The following ZNF292 variants were observed in gnomAD, a reference collection of about 807,000 sequenced individuals.
The protein encoded by ZNF292 is 16 zinc-finger domain protein.
A neutral mutation model predicts 217.9 loss-of-function variants in ZNF292; 26 were observed. The ratio of observed to expected loss-of-function variants is 0.12; its 90% CI spans 0.09 to 0.17. The LOEUF is 0.17. ZNF292 is among the 10% of genes least tolerant of loss of function. The probability of loss-of-function intolerance (pLI) is 1.00; values close to 1 mark genes in which losing one functional copy is unlikely to be tolerated. For synonymous variants in ZNF292, 1,257 were observed against 1,124.1 expected (o/e 1.12, Z -2.37); for missense variants, 2,904 against 3,175.2 (o/e 0.91, Z 2.05).
rs1397478133 is a variant in ZNF292, at chr6:87,260,562, A to G, written c.6933A>G (p.Ser2311=). The change falls in exon 8 of 8, where the codon TCA becomes TCG. Residue 2311 remains serine (S), a synonymous_variant. Coordinates refer to ENST00000369577, the MANE Select transcript of ZNF292 (RefSeq NM_015021.3). ...NMSSKANQEK[S]KSKHRGTKHS... ...CAAGCAAGGCAAACCAAGAAAAATCAAAGTCTAAACATCGGGGGACCAAGC... is the reference window on the plus strand; with the variant it reads ...CAAGCAAGGCAAACCAAGAAAAATCGAAGTCTAAACATCGGGGGACCAAGC... 1 of 1,613,288 alleles carries G rather than the reference A, an allele frequency of 6.2e-7. No homozygotes were observed. The highest frequency in any genetic ancestry group is 8.5e-7 in the Non-Finnish European group (1 of 1,179,666).
Position 87,255,015 on chromosome 6 carries a change from A to G in ZNF292, c.1386A>G (p.Glu462=). 6.2e-7 allele frequency: 1 copy of G among 1,613,868 alleles called. No homozygotes were observed. The highest frequency in any genetic ancestry group is 1.1e-5 in the South Asian group (1 of 91,084). ...GACAATGTCTTGCATTAATGGGAGA[A>G]GAAGCATCCATTGTGTCTTCAATAG... ...LKRQCLALMG[E]EASIVSSIDE... The change falls in exon 8 of 8, where the codon GAA becomes GAG. Residue 462 remains glutamate (E), a synonymous_variant. Coordinates refer to ENST00000369577, the MANE Select transcript of ZNF292 (RefSeq NM_015021.3).
At chr6:87,176,989 C>T (rs576727045) in intron 1 of ZNF292, among the ~76,000 whole-genome samples, 68 of 152,118 alleles carry the variant, frequency 4.5e-4, no homozygotes, top group African/African-American at 1.4e-3. Flanking sequence ...TCTGATGCAC[C>T]GCCTCCCCCG....
At chr6:87,230,992 G>T (rs1473740381) in intron 4 of ZNF292, among the ~76,000 whole-genome samples, 5 of 152,078 alleles carry the variant, frequency 3.3e-5, no homozygotes, top group African/African-American at 4.8e-5. Context: ...AGCAGACTAG[G>T]GAGTGAAATT....
intron 5 of ZNF292, among the ~76,000 whole-genome samples, chr6:87,240,271 A>G (rs894316337): frequency 6.9e-6 from 1 of 145,748 alleles, no homozygotes; most frequent in South Asian, 2.2e-4. Flanking sequence ...AGAATCAGGC[A>G]GGGAGGTTGC....
At chr6:87,179,008 A>C (rs768641062) in intron 1 of ZNF292, among the ~76,000 whole-genome samples, 2 of 152,282 alleles carry the variant, frequency 1.3e-5, no homozygotes, top group East Asian at 3.9e-4. Flanking sequence ...AGTGATGTAT[A>C]GGCCCTTTAA....
Position 87,261,751 on chromosome 6 carries a change from G to A in ZNF292, c.8122G>A (p.Val2708Ile), listed in dbSNP as rs762532450. The change falls in exon 8 of 8, where the codon GTT becomes ATT. Residue 2708 changes from valine (V) to isoleucine (I), a missense_variant. Val to Ile is a conservative substitution (Grantham distance 29). Coordinates refer to ENST00000369577, the MANE Select transcript of ZNF292 (RefSeq NM_015021.3). ...EVHSNDPDMS[V>I]MKDISIGKAT... The stretch of plus-strand genomic sequence containing the variant: ...ACATTCAAATGATCCAGATATGTCT[G>A]TTATGAAAGATATCAGTATAGGTAA... The A allele has an allele frequency of 8.7e-6, 14 of 1,612,718 alleles. No homozygotes were observed. The highest frequency in any genetic ancestry group is 1.7e-5 in the Admixed American group (1 of 59,890).
At chr6:87,238,413 G>A (rs1396773393) in intron 5 of ZNF292, among the ~76,000 whole-genome samples, 1 of 151,636 alleles carries the variant, frequency 6.6e-6, no homozygotes, top group African/African-American at 2.4e-5. Flanking sequence ...TTCATCCTGG[G>A]AGGTGGAGGT....
At chr6:87,199,921 TG>T (rs1772059207) in intron 1 of ZNF292, among the ~76,000 whole-genome samples, 1 of 152,222 alleles carries the variant, frequency 6.6e-6, no homozygotes, top group Non-Finnish European at 1.5e-5. Flanking sequence ...TTTCATGTTC[TG>T]AAGTAAGGAT....
chr6:87,259,205 A>G lies in ZNF292; in HGVS notation c.5576A>G (p.Gln1859Arg). 2 of 1,613,714 alleles carry G rather than the reference A, an allele frequency of 1.2e-6. No homozygotes were observed. Among genetic ancestry groups the G allele is most frequent in the Non-Finnish European group, 1.7e-6 (2 of 1,179,712 alleles). Reference sequence around the variant, plus strand: ...AATGACCTATCCACTCCAGCATCCCAATGTGTACTGATAAATACATCAGTG... The same window carrying G: ...AATGACCTATCCACTCCAGCATCCCGATGTGTACTGATAAATACATCAGTG... ...LENDLSTPAS[Q>R]CVLINTSVTL... The change falls in exon 8 of 8, where the codon CAA (glutamine) becomes CGA (arginine). Residue 1859 changes from glutamine (Q) to arginine (R), a missense_variant. Physicochemically the swap from Gln to Arg is conservative, Grantham distance 43. Around this residue, in one of 15 missense-constraint regions of ZNF292, gnomAD observed 622 missense variants for 573.1 expected, o/e 1.09. Transcript: ENST00000369577.
intron 1 of ZNF292, among the ~76,000 whole-genome samples, chr6:87,165,596 A>C (rs1294526873): frequency 6.6e-6 from 1 of 152,168 alleles, no homozygotes; most frequent in Non-Finnish European, 1.5e-5. Context: ...GTCATAACCC[A>C]CAGTTTGAAA....
intron 1 of ZNF292, among the ~76,000 whole-genome samples, chr6:87,159,196 G>A (rs1387799975): frequency 6.6e-6 from 1 of 152,050 alleles, no homozygotes; most frequent in African/African-American, 2.4e-5. Flanking sequence ...GAATAGAAAC[G>A]AAAGGCATTA....
chr6:87,198,605 A>G (rs1772026943), intron 1 of ZNF292, among the ~76,000 whole-genome samples: 1 of 152,238 alleles, frequency 6.6e-6, no homozygotes. Flanking sequence ...AGGTTTTATA[A>G]GATACGAAGT....
In ZNF292 at chr6:87,259,206, A is replaced by G. The variant is rs61737754; in HGVS notation, c.5577A>G (p.Gln1859=). 1,931 of 1,613,710 alleles carry G rather than the reference A, an allele frequency of 1.2e-3. 8 individuals carry two copies. In the African/African-American group the frequency reaches 0.022, roughly 18 times the overall value. ...ATGACCTATCCACTCCAGCATCCCA[A>G]TGTGTACTGATAAATACATCAGTGA... ...LENDLSTPAS[Q]CVLINTSVTL... The change falls in exon 8 of 8, where the codon CAA becomes CAG. Residue 1859 remains glutamine (Q), a synonymous_variant. Coordinates refer to ENST00000369577, the MANE Select transcript of ZNF292 (RefSeq NM_015021.3).
chr6:87,235,776 A>C lies in ZNF292; in HGVS notation c.741+2249A>C, dbSNP rs1046356982. On this transcript the variant is annotated intron_variant, in intron 5 of 7. Coordinates refer to ENST00000369577, the MANE Select transcript of ZNF292 (RefSeq NM_015021.3). ...CTCCCCCCCACTTCTCATGTTAAGC[A>C]GGTAGAATTAAGACTTTTCATGTTC... Among the ~76,000 whole-genome samples, 9 of 152,222 alleles carry C rather than the reference A, an allele frequency of 5.9e-5. No homozygotes were observed. In the East Asian group the frequency reaches 1.7e-3, roughly 29 times the overall value.
chr6:87,201,471 C>G (rs952419040), intron 1 of ZNF292, among the ~76,000 whole-genome samples: 6 of 152,186 alleles, frequency 3.9e-5, no homozygotes, highest in African/African-American at 1.4e-4. Context: ...ATGGCATGAT[C>G]TCGGCTCACC....
At chr6:87,166,175 T>C (rs1770906743) in intron 1 of ZNF292, among the ~76,000 whole-genome samples, 1 of 152,244 alleles carries the variant, frequency 6.6e-6, no homozygotes, top group Non-Finnish European at 1.5e-5. Context: ...CCCATTGCGC[T>C]CTCCCTCCAT....
intron 1 of ZNF292, among the ~76,000 whole-genome samples, chr6:87,196,047 GA>G (rs990046931): frequency 6.7e-6 from 1 of 149,118 alleles, no homozygotes; most frequent in Non-Finnish European, 1.5e-5. Flanking sequence ...AAAACAAAAA[GA>G]AAAAAAAATT....
intron 1 of ZNF292, among the ~76,000 whole-genome samples, chr6:87,186,748 A>C (rs1488213667): frequency 6.6e-6 from 1 of 152,210 alleles, no homozygotes; most frequent in African/African-American, 2.4e-5. Flanking sequence ...GGTCTCAAAA[A>C]ACAGGCAGGG....
chr6:87,192,109 T>C (rs1408604211), intron 1 of ZNF292, among the ~76,000 whole-genome samples: 1 of 152,210 alleles, frequency 6.6e-6, no homozygotes, highest in Non-Finnish European at 1.5e-5. Flanking sequence ...CAAAAACATT[T>C]ATAATGTCTT....
Sources: gnomAD v4.1 joint callset for allele counts (sites outside exome capture counted in the v4.1 genomes callset) on GRCh38, gnomAD v4.1.1 for gene constraint, gnomAD v4.1.1 regional missense constraint, MANE v1.5 for transcripts, NCBI Gene and HGNC (gene_info 2026-07-23, HGNC 2026-07-21) for gene names.